The following NELL1 variants were observed in gnomAD, a reference collection of about 807,000 sequenced individuals.
NELL1 encodes protein kinase C-binding protein NELL1.
NELL1 carries 76 observed loss-of-function variants against 107.4 expected under a neutral mutation model. The observed-to-expected ratio is 0.71, with a 90% CI of 0.59 to 0.86. The LOEUF (loss-of-function observed/expected upper bound fraction) is 0.86. NELL1 is among the 40% of genes least tolerant of loss of function. The pLI, the probability that NELL1 is intolerant of heterozygous loss-of-function variation, is 0.00. For missense variants in NELL1, 1,024 were observed against 1,005.5 expected (o/e 1.02, Z -0.25); for synonymous variants, 353 against 341.2 (o/e 1.03, Z -0.38).
chr11:20,987,482 A>T (rs1195800722), intron 12 of NELL1, among the ~76,000 whole-genome samples: 2 of 152,172 alleles, frequency 1.3e-5, no homozygotes. Flanking sequence ...TACAATCATG[A>T]TGGAAGGGGA....
At chr11:20,853,430 CTCATTCAT>C (rs1029376944) in intron 4 of NELL1, among the ~76,000 whole-genome samples, 2 of 152,140 alleles carry the variant, frequency 1.3e-5, no homozygotes, top group African/African-American at 4.8e-5. Flanking sequence ...GTCTAATTTT[CTCATTCAT>C]TCATTCATTC....
At chr11:21,328,776 C>T (rs892195267) in intron 14 of NELL1, among the ~76,000 whole-genome samples, 10 of 152,168 alleles carry the variant, frequency 6.6e-5, no homozygotes, top group African/African-American at 2.4e-4. Context: ...GACATGGAGT[C>T]AAAAGACATC....
intron 3 of NELL1, among the ~76,000 whole-genome samples, chr11:20,828,593 T>C (rs1399409414): frequency 6.6e-6 from 1 of 152,216 alleles, no homozygotes; most frequent in East Asian, 1.9e-4. Flanking sequence ...GGGGTTCCTC[T>C]TACCCAGTAA....
intron 12 of NELL1, among the ~76,000 whole-genome samples, chr11:20,981,982 T>TCTCTC (rs1851760652): frequency 8.0e-6 from 1 of 125,280 alleles, no homozygotes; most frequent in African/African-American, 3.2e-5. Flanking sequence ...CTCTCTCTCT[T>TCTCTC]TCTCTCTCTT....
At chr11:21,318,202 A>G (rs1201569664) in intron 14 of NELL1, among the ~76,000 whole-genome samples, 1 of 152,140 alleles carries the variant, frequency 6.6e-6, no homozygotes. Flanking sequence ...CTGTACTGTA[A>G]AGAGAATTTC....
chr11:21,372,130 A>G (rs1851370616), intron 15 of NELL1, among the ~76,000 whole-genome samples: 1 of 152,086 alleles, frequency 6.6e-6, no homozygotes, highest in Admixed American at 6.6e-5. Context: ...AAAAAAACAT[A>G]TGAAAGAACC....
At chr11:21,220,500 C>A (rs1236065165) in intron 13 of NELL1, among the ~76,000 whole-genome samples, 2 of 152,076 alleles carry the variant, frequency 1.3e-5, no homozygotes, top group Non-Finnish European at 2.9e-5. Flanking sequence ...TCTTTCAATT[C>A]ATGAACATGG....
intron 12 of NELL1, among the ~76,000 whole-genome samples, chr11:21,068,737 A>G (rs1853940635): frequency 1.3e-5 from 2 of 152,194 alleles, no homozygotes; most frequent in African/African-American, 4.8e-5. Flanking sequence ...AAGTGCCTCC[A>G]ATAGCTGTGC....
At chr11:21,463,332 T>C (rs931646345) in intron 15 of NELL1, among the ~76,000 whole-genome samples, 2 of 152,098 alleles carry the variant, frequency 1.3e-5, no homozygotes, top group African/African-American at 4.8e-5. Context: ...TGAATTTATT[T>C]GTGCAAATTA....
chr11:21,556,513 A>ATTGT (rs1856713814), intron 16 of NELL1, among the ~76,000 whole-genome samples: 1 of 151,940 alleles, frequency 6.6e-6, no homozygotes, highest in Non-Finnish European at 1.5e-5. Flanking sequence ...GGGTAGGAAA[A>ATTGT]TTGTTTGCAG....
chr11:21,563,503 C>G (rs762958849), intron 17 of NELL1, among the ~76,000 whole-genome samples: 2 of 151,928 alleles, frequency 1.3e-5, no homozygotes, highest in Non-Finnish European at 2.9e-5. Context: ...TGGATTCAAC[C>G]AACCCCAGAT....
chr11:20,897,355 G>C (rs1362847714), intron 5 of NELL1, among the ~76,000 whole-genome samples: 1 of 152,168 alleles, frequency 6.6e-6, no homozygotes, highest in Admixed American at 6.5e-5. Context: ...AAACTGGCTA[G>C]CCATATGTAG....
At position 21,400,697 on chromosome 11, in the gene NELL1, T is replaced by A. The variant is rs536203585; in HGVS notation, c.1645+29749T>A. ...AAAGATAAATCAGCATGCGCTTATGTCTTGTCTGTGCCACAAATAAAAGAG... is the reference window on the plus strand; with the variant it reads ...AAAGATAAATCAGCATGCGCTTATGACTTGTCTGTGCCACAAATAAAAGAG... On this transcript the variant is annotated intron_variant, in intron 15 of 19. Coordinates refer to ENST00000357134, the MANE Select transcript of NELL1 (RefSeq NM_006157.5). 2.0e-5 allele frequency among the ~76,000 whole-genome samples: 3 copies of A among 152,036 alleles called. No homozygotes were observed. The South Asian group carries it at 6.2e-4, about 32-fold the overall frequency.
chr11:20,905,398 ATT>A (rs1280071456), intron 5 of NELL1, among the ~76,000 whole-genome samples: 2 of 152,182 alleles, frequency 1.3e-5, no homozygotes, highest in South Asian at 4.1e-4. Flanking sequence ...AGAGGAAAGT[ATT>A]GTCATTCAAA....
chr11:21,449,582 T>G (rs1853528328), intron 15 of NELL1, among the ~76,000 whole-genome samples: 1 of 152,214 alleles, frequency 6.6e-6, no homozygotes, highest in Non-Finnish European at 1.5e-5. Flanking sequence ...TTTTATTCTT[T>G]TATAGATTAT....
intron 2 of NELL1, among the ~76,000 whole-genome samples, chr11:20,723,740 G>A (rs999212610): frequency 6.6e-6 from 1 of 152,016 alleles, no homozygotes; most frequent in South Asian, 2.1e-4. Flanking sequence ...TGTGGGGGGG[G>A]GCTCCAACCC....
chr11:21,180,966 G>A (rs1017411379), intron 13 of NELL1, among the ~76,000 whole-genome samples: 1 of 151,580 alleles, frequency 6.6e-6, no homozygotes, highest in African/African-American at 2.4e-5. Flanking sequence ...TGATATACTA[G>A]GCAAAGTAAA....
chr11:21,519,715 C>T (rs1397160269), intron 15 of NELL1, among the ~76,000 whole-genome samples: 1 of 152,068 alleles, frequency 6.6e-6, no homozygotes, highest in Admixed American at 6.5e-5. Context: ...TGTACAGCCG[C>T]TACCACTCTA....
intron 4 of NELL1, among the ~76,000 whole-genome samples, chr11:20,874,974 C>G (rs969449271): frequency 6.6e-6 from 1 of 152,292 alleles, no homozygotes; most frequent in East Asian, 1.9e-4. Context: ...TCACAATGCC[C>G]TCACAATCTT....
Sources: allele counts gnomAD v4.1 joint callset (sites outside exome capture counted in the v4.1 genomes callset), GRCh38; gene constraint gnomAD v4.1.1; transcripts MANE v1.5; gene names NCBI Gene and HGNC (gene_info 2026-07-23, HGNC 2026-07-21).